The following EYS variants were observed in gnomAD, a reference collection of about 807,000 sequenced individuals.
EYS encodes protein eyes shut homolog.
EYS carries 250 observed loss-of-function variants against 282.1 expected under a neutral mutation model. The ratio of observed to expected loss-of-function variants is 0.89; its 90% CI spans 0.80 to 0.98. The LOEUF is 0.98. EYS is among the 50% of genes least tolerant of loss of function. The pLI is 0.00. For missense variants in EYS, 4,016 were observed against 3,709.0 expected, an observed-to-expected ratio of 1.08 and a Z score of -2.15; for synonymous variants, 1,355 against 1,282.9, an observed-to-expected ratio of 1.06 and a Z score of -1.20.
At chr6:64,527,128 A>G (rs753942954) in intron 26 of EYS, among the ~76,000 whole-genome samples, 9 of 151,862 alleles carry the variant, frequency 5.9e-5, no homozygotes, top group Admixed American at 1.3e-4. Flanking sequence ...TTAAAAGGAA[A>G]TAACTACAAC....
intron 22 of EYS, among the ~76,000 whole-genome samples, chr6:64,691,841 A>T (rs1931850): frequency 0.69 from 104,649 of 152,096 alleles, 37,064 homozygotes; most frequent in Non-Finnish European, 0.78. Flanking sequence ...TCATTCTTTT[A>T]TATGGTAGCA....
chr6:64,561,854 A>G (rs1245690064), intron 26 of EYS, among the ~76,000 whole-genome samples: 2 of 151,288 alleles, frequency 1.3e-5, no homozygotes, highest in Non-Finnish European at 3.0e-5. Flanking sequence ...TACAGATTTA[A>G]TACTATGACT....
chr6:64,182,079 T>TA (rs1409792246), intron 31 of EYS, among the ~76,000 whole-genome samples: 1 of 152,180 alleles, frequency 6.6e-6, no homozygotes, highest in East Asian at 1.9e-4. Flanking sequence ...AATCTTAATA[T>TA]AAAAAACCAT....
intron 12 of EYS, among the ~76,000 whole-genome samples, chr6:65,097,930 G>A (rs1423823503): frequency 2.7e-5 from 4 of 150,668 alleles, no homozygotes; most frequent in Non-Finnish European, 3.0e-5. Context: ...GTACTACATT[G>A]TGCTCATACT....
chr6:64,686,940 C>CAT (rs1295232534), intron 22 of EYS, among the ~76,000 whole-genome samples: 26 of 119,700 alleles, frequency 2.2e-4, no homozygotes, highest in Admixed American at 7.2e-4. Flanking sequence ...TATATATACA[C>CAT]ATATATATAC....
chr6:64,773,785 T>G (rs955487620), intron 22 of EYS, among the ~76,000 whole-genome samples: 2 of 152,058 alleles, frequency 1.3e-5, no homozygotes, highest in Admixed American at 6.6e-5. Context: ...TTTTGAAAAG[T>G]GTCTGTTCAT....
At chr6:63,905,928 G>GA (rs1266783928) in intron 35 of EYS, among the ~76,000 whole-genome samples, 2 of 152,046 alleles carry the variant, frequency 1.3e-5, no homozygotes, top group African/African-American at 2.4e-5. Context: ...TGAAATTCCA[G>GA]AAAAAAACAT....
At chr6:65,555,664 C>G (rs974418228) in intron 2 of EYS, among the ~76,000 whole-genome samples, 1 of 152,048 alleles carries the variant, frequency 6.6e-6, no homozygotes, top group Admixed American at 6.6e-5. Flanking sequence ...TATTGTCTAG[C>G]CGAATTTTGT....
Position 63,720,903 on chromosome 6 carries a change from T to A in EYS, c.9128A>T (p.Lys3043Ile). 6.4e-7 allele frequency: 1 copy of A among 1,551,090 alleles called. No homozygotes were observed. The highest frequency in any genetic ancestry group is 1.2e-5 in the South Asian group (1 of 84,052). ...SYNNGTFCCNKWHHVVVIQNQ... is the reference protein window; with the variant it reads ...SYNNGTFCCNIWHHVVVIQNQ... Reference sequence around the variant, plus strand: ...TTGAATTACAACTACATGGTGCCATTTATTACAACAGAATGTGCCATTGTT... The same window carrying A: ...TTGAATTACAACTACATGGTGCCATATATTACAACAGAATGTGCCATTGTT... The change falls in exon 43 of 43, where the codon AAA becomes ATA. Residue 3043 changes from lysine to isoleucine, a missense_variant. Transcript: ENST00000503581.
At position 64,792,857 on chromosome 6, in the gene EYS, C is replaced by CGTGTGTGTGT. The variant is rs61516922; in HGVS notation, c.3443+20511_3443+20520dup. Among the ~76,000 whole-genome samples the CGTGTGTGTGT allele has an allele frequency of 2.2e-4, 32 of 148,426 alleles. No homozygotes were observed. The Middle Eastern group carries it at 0.01, about 48-fold the overall frequency. On this transcript the variant is annotated intron_variant, in intron 22 of 42. Coordinates refer to ENST00000503581, the MANE Select transcript of EYS (RefSeq NM_001142800.2). ...GTTTTAATTTCATACGATCTTGACA[C>CGTGTGTGTGT]GTGTGTGTGTGTGTGTGTGTTAGAT... is the stretch of plus-strand genomic sequence containing the variant.
At chr6:64,786,466 T>C (rs1429364608) in intron 22 of EYS, among the ~76,000 whole-genome samples, 1 of 152,112 alleles carries the variant, frequency 6.6e-6, no homozygotes, top group Non-Finnish European at 1.5e-5. Flanking sequence ...CCTAGTCTTT[T>C]AATATGCAAA....
chr6:64,380,625 A>G (rs1036762242), intron 29 of EYS, among the ~76,000 whole-genome samples: 2 of 152,212 alleles, frequency 1.3e-5, no homozygotes, highest in South Asian at 4.1e-4. Context: ...AAGTTAGACT[A>G]TTTAACTTAA....
intron 12 of EYS, among the ~76,000 whole-genome samples, chr6:65,164,319 C>T (rs566349136): frequency 2.0e-4 from 30 of 151,046 alleles, no homozygotes; most frequent in South Asian, 1.9e-3. Flanking sequence ...TGTGTTGTTC[C>T]GGCCTTCTGT....
intron 14 of EYS, among the ~76,000 whole-genome samples, chr6:64,969,016 A>G (rs1327107987): frequency 1.3e-5 from 2 of 152,042 alleles, no homozygotes; most frequent in Non-Finnish European, 2.9e-5. Context: ...TTGCTGTTCA[A>G]ATTGTCTATT....
At chr6:63,975,377 G>A (rs1766785758) in intron 35 of EYS, among the ~76,000 whole-genome samples, 1 of 151,754 alleles carries the variant, frequency 6.6e-6, no homozygotes, top group Non-Finnish European at 1.5e-5. Flanking sequence ...ATGGTATGAA[G>A]GACACATATC....
chr6:64,312,336 C>A (rs190894454), intron 29 of EYS, among the ~76,000 whole-genome samples: 1 of 152,280 alleles, frequency 6.6e-6, no homozygotes, highest in African/African-American at 2.4e-5. Context: ...CTAGATTCCT[C>A]CTCTCTGGGC....
chr6:64,364,809 C>G lies in EYS; in HGVS notation c.6078+23881G>C, dbSNP rs577713668. 3.9e-5 allele frequency among the ~76,000 whole-genome samples: 6 copies of G among 151,948 alleles called. No homozygotes were observed. In the South Asian group the frequency reaches 1.2e-3, roughly 32 times the overall value. ...TACTTCCTATTGTGTACAATGTACA[C>G]TATTTGGGTGATAGGTACACTAAAT... On this transcript the variant is annotated intron_variant, in intron 29 of 42. Coordinates refer to ENST00000503581, the MANE Select transcript of EYS (RefSeq NM_001142800.2).
chr6:65,064,610 A>C (rs1165154757), intron 12 of EYS, among the ~76,000 whole-genome samples: 1 of 150,106 alleles, frequency 6.7e-6, no homozygotes, highest in Non-Finnish European at 1.5e-5. Context: ...GCTATATAGT[A>C]ATAGCTATAT....
chr6:64,804,505 ATTAT>A (rs1369859575), intron 22 of EYS, among the ~76,000 whole-genome samples: 1 of 152,170 alleles, frequency 6.6e-6, no homozygotes, highest in Non-Finnish European at 1.5e-5. Flanking sequence ...TAAATCCATA[ATTAT>A]TAGTGCCACA....
Sources: gnomAD v4.1 joint callset for allele counts (sites outside exome capture counted in the v4.1 genomes callset) on GRCh38, gnomAD v4.1.1 for gene constraint, MANE v1.5 for transcripts, NCBI Gene and HGNC (gene_info 2026-07-23, HGNC 2026-07-21) for gene names.